The following NXN variants were observed in gnomAD, a reference collection of about 807,000 sequenced individuals.
NXN encodes nucleoredoxin 1.
In NXN, 16 loss-of-function variants were observed where a neutral mutation model predicts 48.6. The observed-to-expected ratio is 0.33, with a 90% CI of 0.22 to 0.50. The LOEUF (loss-of-function observed/expected upper bound fraction) is 0.50. NXN is among the 20% of genes least tolerant of loss of function. NXN has a pLI of 0.98. For missense variants in NXN, 492 were observed against 605.5 expected (o/e 0.81, Z 1.97); for synonymous variants, 281 against 269.6 (o/e 1.04, Z -0.41).
intron 1 of NXN, among the ~76,000 whole-genome samples, chr17:939,037 G>A (rs1169829533): frequency 6.6e-6 from 1 of 151,768 alleles, no homozygotes; most frequent in Non-Finnish European, 1.5e-5. Context: ...GGGCGACAAG[G>A]GTGAGACTCC....
intron 1 of NXN, among the ~76,000 whole-genome samples, chr17:936,223 G>A (rs188417292): frequency 5.3e-5 from 8 of 151,938 alleles, no homozygotes; most frequent in Middle Eastern, 3.2e-3. Flanking sequence ...ACACGCCATC[G>A]GGCTCAATGC....
intron 1 of NXN, among the ~76,000 whole-genome samples, chr17:852,734 C>T (rs550088893): frequency 5.9e-5 from 9 of 152,292 alleles, no homozygotes; most frequent in South Asian, 2.1e-4. Flanking sequence ...TGGGATTATG[C>T]GTATGCCAAG....
At chr17:853,899 T>C (rs912202579) in intron 1 of NXN, among the ~76,000 whole-genome samples, 15 of 151,668 alleles carry the variant, frequency 9.9e-5, no homozygotes, top group Non-Finnish European at 5.9e-5. Context: ...GTTTTGCATT[T>C]TTATTAGACA....
intron 1 of NXN, among the ~76,000 whole-genome samples, chr17:844,848 G>A (rs2067842254): frequency 6.6e-6 from 1 of 152,006 alleles, no homozygotes; most frequent in African/African-American, 2.4e-5. Flanking sequence ...CTCCCAAAGT[G>A]CTGGGATTAC....
intron 1 of NXN, among the ~76,000 whole-genome samples, chr17:938,896 C>T (rs2150603726): frequency 6.6e-6 from 1 of 151,972 alleles, no homozygotes; most frequent in African/African-American, 2.4e-5. Context: ...CCCGTCTCTA[C>T]TAAAAATTAG....
At chr17:926,544 T>TG (rs201178824) in intron 1 of NXN, among the ~76,000 whole-genome samples, 4,734 of 86,882 alleles carry the variant, frequency 0.054, 110 homozygotes, top group Non-Finnish European at 0.092. Flanking sequence ...GTTTTTTTTT[T>TG]GTTTTTTTGT....
chr17:948,659 G>T (rs1016306414), intron 1 of NXN, among the ~76,000 whole-genome samples: 1 of 151,986 alleles, frequency 6.6e-6, no homozygotes, highest in South Asian at 2.1e-4. Context: ...CGGAACAAAC[G>T]CTTGAGGCAA....
intron 1 of NXN, among the ~76,000 whole-genome samples, chr17:847,501 C>T (rs933136615): frequency 1.4e-4 from 22 of 152,284 alleles, no homozygotes; most frequent in African/African-American, 5.1e-4. Context: ...CGGTCCACAG[C>T]GGTAATGTCA....
chr17:806,179 GCACAACCCC>G (rs1911500189), intron 5 of NXN, among the ~76,000 whole-genome samples: 1 of 102,746 alleles, frequency 9.7e-6, no homozygotes, highest in African/African-American at 4.2e-5. Flanking sequence ...CTGCACCCCA[GCACAACCCC>G]CTCCCCAGGG....
chr17:842,841 G>T (rs1381159733), intron 1 of NXN, among the ~76,000 whole-genome samples: 1 of 152,014 alleles, frequency 6.6e-6, no homozygotes, highest in Admixed American at 6.6e-5. Flanking sequence ...CGGGAGGCTG[G>T]GGCAGGAGAA....
rs561648399 is a variant in NXN at position 923,254 on chromosome 17, T to C, written c.360+56065A>G. ...CAGGCAGGGCCCTTGTCTTATTCAC[T>C]CTGTTTACATCCACCTGGGTGCCAC... On this transcript the variant is annotated intron_variant, in intron 1 of 7. Coordinates refer to ENST00000336868, the MANE Select transcript of NXN (RefSeq NM_022463.5). Among the ~76,000 whole-genome samples the C allele has an allele frequency of 2.2e-4, 33 of 152,278 alleles. 1 individual carries two copies. The highest frequency in any genetic ancestry group is 4.3e-4 in the Non-Finnish European group (29 of 68,028).
rs777345878 is a variant in NXN, at chr17:979,698, G to A, written c.-20C>T. ...CGACATCCTGGCCCACCGCAGGGCG[G>A]GCAGGCGGCTGCGACCCCGCTCCAC... On this transcript the variant is annotated 5_prime_UTR_variant, in exon 1 of 8. Coordinates refer to ENST00000336868, the MANE Select transcript of NXN (RefSeq NM_022463.5). 5 of 1,396,250 alleles carry A rather than the reference G, an allele frequency of 3.6e-6. No homozygotes were observed. Among genetic ancestry groups the A allele is most frequent in the African/African-American group, 3.0e-5 (2 of 66,484 alleles). 86.5% of individuals were successfully genotyped at this position (1,396,250 alleles called of 1,614,324 possible). A position where few individuals can be genotyped will look rare whatever the true frequency, so the allele number is the denominator to read the frequency against.
chr17:960,977 G>A (rs1372535382), intron 1 of NXN, among the ~76,000 whole-genome samples: 1 of 150,690 alleles, frequency 6.6e-6, no homozygotes, highest in African/African-American at 2.4e-5. Flanking sequence ...GTAGAGACGG[G>A]GTTTCACCGT....
chr17:938,903 T>C (rs2068938555), intron 1 of NXN, among the ~76,000 whole-genome samples: 1 of 151,782 alleles, frequency 6.6e-6, no homozygotes, highest in Non-Finnish European at 1.5e-5. Flanking sequence ...CTACTAAAAA[T>C]TAGCTGGGTG....
In NXN at chr17:932,711, G is replaced by A. The variant is rs1022060571; in HGVS notation, c.360+46608C>T. 1.1e-4 allele frequency among the ~76,000 whole-genome samples: 16 copies of A among 152,226 alleles called. No homozygotes were observed. The highest frequency in any genetic ancestry group is 2.1e-4 in the Non-Finnish European group (14 of 68,050). ...CCGACTTTTGCCATCAGTGGGCAGC[G>A]AGTGGGCTGTGTGGTCCCCGGACAA... On this transcript the variant is annotated intron_variant, in intron 1 of 7. Transcript: ENST00000336868. This position sits in a 1 kb window ranked among gnomAD's most constrained non-coding sequence, Gnocchi z 4.1.
At chr17:931,870 G>A (rs1003532475) in intron 1 of NXN, among the ~76,000 whole-genome samples, 5 of 148,400 alleles carry the variant, frequency 3.4e-5, no homozygotes, top group African/African-American at 5.1e-5. Flanking sequence ...TTGGCCGGGC[G>A]CAGTGGCTCA....
intron 4 of NXN, 75 bp downstream of exon 4, chr17:822,282 A>G: frequency 9.2e-7 from 1 of 1,082,722 alleles, no homozygotes; most frequent in Non-Finnish European, 1.4e-6. Context: ...TCTGTCTCAG[A>G]AAAAAAAGAA....
intron 1 of NXN, among the ~76,000 whole-genome samples, chr17:966,228 T>G (rs928065052): frequency 1.2e-4 from 19 of 152,098 alleles, no homozygotes; most frequent in African/African-American, 4.6e-4. Context: ...CGCGGACACA[T>G]GTGGCCCAGG....
intron 1 of NXN, among the ~76,000 whole-genome samples, chr17:971,655 AGCCGAGATCGC>A: frequency 6.6e-6 from 1 of 152,198 alleles, no homozygotes; most frequent in South Asian, 2.1e-4. Context: ...GCTGGCAGTC[AGCCGAGATCGC>A]GCCACTGCAC....
Sources: gnomAD v4.1 joint callset for allele counts (sites outside exome capture counted in the v4.1 genomes callset) on GRCh38, gnomAD v4.1.1 for gene constraint, Gnocchi (gnomAD v3.1) non-coding constraint, MANE v1.5 for transcripts, NCBI Gene and HGNC (gene_info 2026-07-23, HGNC 2026-07-21) for gene names.